TRIM66: variants seen among roughly 807,000 people sequenced by gnomAD.
The protein encoded by TRIM66 is tripartite motif containing 66, also known as tripartite motif-containing protein 66.
Under a neutral mutation model 148.2 loss-of-function variants are expected in TRIM66, and 99 were observed. The ratio of observed to expected loss-of-function variants is 0.67; its 90% CI spans 0.57 to 0.79. TRIM66 has a LOEUF of 0.79. TRIM66 is among the 30% of genes least tolerant of loss of function. The pLI, the probability that TRIM66 is intolerant of heterozygous loss-of-function variation, is 0.00. For missense variants in TRIM66, 1,666 were observed against 1,697.9 expected (o/e 0.98, Z 0.33); for synonymous variants, 616 against 635.9 (o/e 0.97, Z 0.47).
intron 6 of TRIM66, among the ~76,000 whole-genome samples, chr11:8,664,366 G>T (rs960201074): frequency 6.6e-6 from 1 of 152,050 alleles, no homozygotes; most frequent in Non-Finnish European, 1.5e-5. Context: ...CATCAGTTTG[G>T]TATTCTAAGT....
At chr11:8,682,739 C>G, upstream of TRIM66, 1 of 1,588,678 alleles carries the variant, frequency 6.3e-7, no homozygotes, top group Non-Finnish European at 8.6e-7. Context: ...GGAAGTGAGG[C>G]GTTTTGCCCC....
At chr11:8,637,345 T>TTA (rs201811733) in intron 15 of TRIM66, among the ~76,000 whole-genome samples, 6,660 of 150,950 alleles carry the variant, frequency 0.044, 212 homozygotes, top group South Asian at 0.061. Flanking sequence ...TATATATGCA[T>TTA]TATATATATG....
chr11:8,630,856 C>A (rs1002410559), intron 15 of TRIM66, among the ~76,000 whole-genome samples: 4 of 152,190 alleles, frequency 2.6e-5, no homozygotes, highest in African/African-American at 9.7e-5. Flanking sequence ...GCCTGACCTA[C>A]GACTTCCCTG....
rs947826261 is a variant in TRIM66, at chr11:8,615,811, G to A, written c.*2133C>T. On this transcript the variant is annotated 3_prime_UTR_variant, in exon 25 of 25. Coordinates refer to ENST00000646038, the MANE Select transcript of TRIM66 (RefSeq NM_001388022.1). The stretch of plus-strand genomic sequence containing the variant: ...TATAAGGAAAGCCAAGCTTTTAACA[G>A]GTATTTCTGCTTTAAATTTGTGGTC... 6.6e-6 allele frequency: 1 copy of A among 152,168 alleles called. No homozygotes were observed. The highest frequency in any genetic ancestry group is 2.4e-5 in the African/African-American group (1 of 41,436). The allele number at this position is 152,168 out of a possible 1,614,324, so 9.4% of individuals were successfully genotyped here.
In TRIM66 at chr11:8,615,151, A is replaced by T. The variant is rs1212206576; in HGVS notation, c.*2793T>A. On this transcript the variant is annotated 3_prime_UTR_variant, in exon 25 of 25. Coordinates refer to ENST00000646038, the MANE Select transcript of TRIM66 (RefSeq NM_001388022.1). ...ACTATGTTGGCCAGGCTGGTCTCGA[A>T]CTGCTGTCCTTAGGTGATCCACCCA... 6.6e-6 allele frequency: 1 copy of T among 152,206 alleles called. No homozygotes were observed. Among genetic ancestry groups the T allele is most frequent in the African/African-American group, 2.4e-5 (1 of 41,462 alleles). The allele number at this position is 152,206 out of a possible 1,614,324, so 9.4% of individuals were successfully genotyped here. A position where few individuals can be genotyped will look rare whatever the true frequency, so the allele number is the denominator to read the frequency against.
At chr11:8,650,423 G>A (rs1237578656) in intron 7 of TRIM66, among the ~76,000 whole-genome samples, 1 of 150,856 alleles carries the variant, frequency 6.6e-6, no homozygotes, top group Non-Finnish European at 1.5e-5. Context: ...AGGAGGAGGA[G>A]GAAGAGGAGG....
At chr11:8,654,477 C>T (rs573957531) in intron 6 of TRIM66, 1 of 152,196 alleles carries the variant, frequency 6.6e-6, no homozygotes. Context: ...CAATTTCCCC[C>T]GGGATGAGTT....
chr11:8,673,390 T>C (rs1252329639), intron 4 of TRIM66, among the ~76,000 whole-genome samples: 1 of 152,178 alleles, frequency 6.6e-6, no homozygotes, highest in Non-Finnish European at 1.5e-5. Context: ...ATTTTGGGGG[T>C]AGTGTTAAGA....
chr11:8,667,353 T>C (rs2038666550), intron 6 of TRIM66, among the ~76,000 whole-genome samples: 1 of 152,178 alleles, frequency 6.6e-6, no homozygotes, highest in Non-Finnish European at 1.5e-5. Context: ...CATAGATAAG[T>C]TGGACTTCAT....
chr11:8,640,329 G>A lies in TRIM66; in HGVS notation c.2046C>T (p.Thr682=), dbSNP rs1039166714. Reference sequence around the variant, plus strand: ...TTTGCTGAAGATGCTGAGGAGATTTGGTCTGACTCAGTTGCAGGCTGGGCT... The same window carrying A: ...TTTGCTGAAGATGCTGAGGAGATTTAGTCTGACTCAGTTGCAGGCTGGGCT... The part of the protein sequence containing the change: ...AQQPSLQLSQ[T]KSPQHLQQTI... The change falls in exon 14 of 25, where the codon ACC becomes ACT. Residue 682 remains threonine, a synonymous_variant. Transcript: ENST00000646038. The A allele has an allele frequency of 3.2e-6, 5 of 1,551,588 alleles. No individual in the cohort carries two copies. The African/African-American group carries it at 6.9e-5, about 21-fold the overall frequency.
chr11:8,633,284 T>C lies in TRIM66; in HGVS notation c.2310+5370A>G, dbSNP rs182455464. Among the ~76,000 whole-genome samples the C allele has an allele frequency of 3.1e-3, 465 of 152,092 alleles. 3 individuals are homozygous for C. The highest frequency in any genetic ancestry group is 0.011 in the African/African-American group (451 of 41,482). On this transcript the variant is annotated intron_variant, in intron 15 of 24. Coordinates refer to ENST00000646038, the MANE Select transcript of TRIM66 (RefSeq NM_001388022.1). Reference sequence around the variant, plus strand: ...TTGCGGTGAGCCGAGATCGTGCCATTGCACTCCAGCCTGGGCAACAAGAGT... The same window carrying C: ...TTGCGGTGAGCCGAGATCGTGCCATCGCACTCCAGCCTGGGCAACAAGAGT...
chr11:8,645,277 C>G (rs572197387), intron 12 of TRIM66, among the ~76,000 whole-genome samples: 68 of 152,274 alleles, frequency 4.5e-4, no homozygotes, highest in African/African-American at 1.6e-3. Context: ...AATATAAACT[C>G]CATCGACTTC....
Position 8,643,107 on chromosome 11 carries a change from C to G in TRIM66, c.1124G>C (p.Arg375Pro), listed in dbSNP as rs368669472. ...TGTGTTACAACTTGTCTCCAGCAAT[C>G]GCTGCATCTGAAACACAATCTGACA... Reference protein sequence around the residue: ...SKELIVFQMQRLLETSCNTDP... With the variant: ...SKELIVFQMQPLLETSCNTDP... Residue 375 changes from arginine to proline, a missense_variant, in exon 13 of 25, where the codon CGA (arginine) becomes CCA (proline). Arg to Pro is a moderately radical substitution (Grantham distance 103). This residue lies in a region of TRIM66 where 1,431 missense variants were observed against 1,412.4 expected (regional missense o/e 1.01). Transcript: ENST00000646038. 12 of 1,550,736 alleles carry G rather than the reference C, an allele frequency of 7.7e-6. No homozygotes were observed. The Admixed American group carries it at 2.4e-4, about 31-fold the overall frequency.
At chr11:8,649,589 C>T in intron 8 of TRIM66, 151 bp downstream of exon 8, 1 of 1,110,462 alleles carries the variant, frequency 9.0e-7, no homozygotes, top group African/African-American at 1.6e-5. Flanking sequence ...CCCTTTGACT[C>T]TGAAGGAGAC....
upstream of TRIM66, chr11:8,683,128 G>T: frequency 6.9e-7 from 1 of 1,453,350 alleles, no homozygotes; most frequent in South Asian, 1.1e-5. Flanking sequence ...AGGCTTACAG[G>T]ACCATCTCGG....
chr11:8,648,420 GTTCT>G lies in TRIM66; in HGVS notation c.717_720del (p.Lys239AsnfsTer21), dbSNP rs2037057335. On this transcript the variant is annotated frameshift_variant, in exon 9 of 25. Coordinates refer to ENST00000646038, the MANE Select transcript of TRIM66 (RefSeq NM_001388022.1). LOFTEE classifies it high-confidence loss of function. ...CAGGCAGTCTGTCAGCCCCACCTGTGTTCTTTGTGTTCCACCACTAGGCAGCTAT... is the reference window on the plus strand; with the variant it reads ...CAGGCAGTCTGTCAGCCCCACCTGTGTTGTGTTCCACCACTAGGCAGCTAT... The G allele has an allele frequency of 1.3e-6, 2 of 1,551,386 alleles. No individual in the cohort carries two copies. The highest frequency in any genetic ancestry group is 1.2e-5 in the South Asian group (1 of 84,044).
chr11:8,674,399 T>A (rs955763092), intron 4 of TRIM66, among the ~76,000 whole-genome samples: 1 of 152,308 alleles, frequency 6.6e-6, no homozygotes, highest in South Asian at 2.1e-4. Context: ...TTATTTATTT[T>A]TTGAGACAGG....
chr11:8,672,184 T>C, intron 5 of TRIM66, 64 bp downstream of exon 5: 1 of 1,533,794 alleles, frequency 6.5e-7, no homozygotes, highest in East Asian at 2.4e-5. Flanking sequence ...GAACAAGGCC[T>C]CAAAAGTCCA....
intron 15 of TRIM66, among the ~76,000 whole-genome samples, chr11:8,629,024 G>T (rs1233452848): frequency 2.6e-5 from 4 of 152,124 alleles, no homozygotes; most frequent in African/African-American, 9.7e-5. Context: ...TTCCTCCACA[G>T]TCTGAGTGCC....
Sources: gnomAD v4.1 joint callset for allele counts (sites outside exome capture counted in the v4.1 genomes callset) on GRCh38, gnomAD v4.1.1 for gene constraint, gnomAD v4.1.1 regional missense constraint, MANE v1.5 for transcripts, NCBI Gene and HGNC (gene_info 2026-07-23, HGNC 2026-07-21) for gene names.